The following ELMOD3 variants were observed in gnomAD, a reference collection of about 807,000 sequenced individuals.
ELMOD3 encodes the protein ELMO domain containing 3.
ELMOD3 carries 36 observed loss-of-function variants against 47.4 expected under a neutral mutation model. That is an observed-to-expected ratio of 0.76 (90% CI 0.58 to 1.00). ELMOD3 has a LOEUF of 1.00. Ranked by LOEUF, ELMOD3 falls within the 50% of genes least tolerant of loss-of-function variation. The pLI is 0.00. For synonymous variants in ELMOD3, 149 were observed against 183.5 expected (o/e 0.81, Z 1.52); for missense variants, 404 against 463.8 (o/e 0.87, Z 1.18).
At chr2:85,370,999 A>G (rs975114376) in intron 8 of ELMOD3, 87 bp from the exon 9 acceptor site, 142 of 1,480,872 alleles carry the variant, frequency 9.6e-5, no homozygotes, top group Non-Finnish European at 1.3e-4. Context: ...ACTTTCTGCA[A>G]GCACTGCCTC....
At chr2:85,378,443 AT>A (rs1224117115) in intron 11 of ELMOD3, among the ~76,000 whole-genome samples, 2 of 152,252 alleles carry the variant, frequency 1.3e-5, no homozygotes, top group African/African-American at 4.8e-5. Flanking sequence ...TTAGGGAGAC[AT>A]GAGACATCAA....
Position 85,369,759 on chromosome 2 carries a change from C to T in ELMOD3, c.289C>T (p.Gln97Ter), listed in dbSNP as rs1684654721. 2 of 1,614,096 alleles carry T rather than the reference C, an allele frequency of 1.2e-6. No individual in the cohort carries two copies. Among genetic ancestry groups the T allele is most frequent in the East Asian group, 2.2e-5 (1 of 44,884 alleles). The change falls in exon 8 of 14, where the codon CAG becomes TAG. Residue 97 changes from glutamine (Q) to a stop codon, truncating the protein, a stop_gained. Coordinates refer to ENST00000409013, the MANE Select transcript of ELMOD3 (RefSeq NM_001135022.2). LOFTEE classifies it high-confidence loss of function. ...PETGSQASSE[Q>*]PGQLISFSEA... Reference sequence around the variant, plus strand: ...CACAGGGAGCCAAGCTAGCTCAGAGCAGCCTGGGCAGCTAATCTCCTTCAG... The same window carrying T: ...CACAGGGAGCCAAGCTAGCTCAGAGTAGCCTGGGCAGCTAATCTCCTTCAG...
Position 85,362,217 on chromosome 2 carries a change from C to T in ELMOD3, c.86C>T (p.Ser29Leu), listed in dbSNP as rs1294334740. 3 of 1,607,012 alleles carry T rather than the reference C, an allele frequency of 1.9e-6. No homozygotes were observed. The highest frequency in any genetic ancestry group is 4.5e-5 in the East Asian group (2 of 44,846). The part of the protein sequence containing the change: ...GERLSAGYSP[S>L]YDKDKSVLAF... ...AGATTGTCTGCTGGATATTCTCCAT[C>T]ATATGACAAGGACAAGAGTGTTCTG... Residue 29 changes from serine (S) to leucine (L), a missense_variant, in exon 5 of 14, where the codon TCA becomes TTA. By Grantham distance (145) the Ser-to-Leu change is moderately radical. Coordinates refer to ENST00000409013, the MANE Select transcript of ELMOD3 (RefSeq NM_001135022.2).
intron 11 of ELMOD3, among the ~76,000 whole-genome samples, chr2:85,380,791 C>G (rs1685487156): frequency 6.6e-6 from 1 of 152,156 alleles, no homozygotes; most frequent in Non-Finnish European, 1.5e-5. Flanking sequence ...TCCCAAAGTG[C>G]TGAGATTACA....
chr2:85,390,592 G>A, intron 13 of ELMOD3, 168 bp from the exon 14 acceptor site: 1 of 1,535,066 alleles, frequency 6.5e-7, no homozygotes, highest in Non-Finnish European at 8.7e-7. Flanking sequence ...GCTGTAGCTG[G>A]CTCCCTAGCC....
chr2:85,358,486 A>C (rs1353174972), intron 4 of ELMOD3, among the ~76,000 whole-genome samples: 1 of 151,976 alleles, frequency 6.6e-6, no homozygotes, highest in African/African-American at 2.4e-5. Flanking sequence ...TCTGGAGGAA[A>C]ACTACATGAA....
chr2:85,371,048 A>G, intron 8 of ELMOD3, 38 bp from the exon 9 acceptor site: 1 of 1,605,308 alleles, frequency 6.2e-7, no homozygotes, highest in South Asian at 1.1e-5. Flanking sequence ...AGGGAAATGA[A>G]CCAGCATTCT....
chr2:85,389,742 C>A lies in ELMOD3; in HGVS notation c.739-9C>A, dbSNP rs1686190369. 6.2e-7 allele frequency: 1 copy of A among 1,613,752 alleles called. No individual in the cohort carries two copies. ...GAGTTGCTGCTGACTGGGTGCCCCT[C>A]CATTCCAGCAATTCCCTTTCTGTTT... On this transcript the variant is annotated splice_polypyrimidine_tract_variant and intron_variant, in intron 11 of 13. Coordinates refer to ENST00000409013, the MANE Select transcript of ELMOD3 (RefSeq NM_001135022.2).
At chr2:85,383,474 ACCATAAAAC>A (rs931817596) in intron 11 of ELMOD3, among the ~76,000 whole-genome samples, 7 of 151,996 alleles carry the variant, frequency 4.6e-5, no homozygotes, top group Non-Finnish European at 8.8e-5. Context: ...ACTTGAGAAA[ACCATAAAAC>A]CCAACCCCAG....
chr2:85,382,951 AAAAC>A (rs1199853406), intron 11 of ELMOD3, among the ~76,000 whole-genome samples: 5 of 133,796 alleles, frequency 3.7e-5, no homozygotes, highest in African/African-American at 1.2e-4. Context: ...AAAAAAAAAA[AAAAC>A]AAAAAAAACT....
chr2:85,379,690 C>T (rs184471874), intron 11 of ELMOD3, among the ~76,000 whole-genome samples: 5 of 152,140 alleles, frequency 3.3e-5, no homozygotes, highest in South Asian at 2.1e-4. Flanking sequence ...ATGGTAGGAC[C>T]GATTTGCTTT....
chr2:85,365,633 T>C (rs944798049), intron 6 of ELMOD3, among the ~76,000 whole-genome samples: 2 of 152,206 alleles, frequency 1.3e-5, no homozygotes, highest in Admixed American at 6.5e-5. Flanking sequence ...GGAGAAGCTC[T>C]TACGTGGTTT....
chr2:85,379,765 T>A (rs1649566909), intron 11 of ELMOD3, among the ~76,000 whole-genome samples: 1 of 152,234 alleles, frequency 6.6e-6, no homozygotes, highest in Admixed American at 6.5e-5. Context: ...CATAGGCTTT[T>A]TTTAAAAATT....
At chr2:85,387,213 T>A in intron 11 of ELMOD3, 1 of 1,198,612 alleles carries the variant, frequency 8.3e-7, no homozygotes, top group Non-Finnish European at 1.1e-6. Flanking sequence ...TGTTCTCAGC[T>A]ACCCATGTTG....
intron 6 of ELMOD3, among the ~76,000 whole-genome samples, chr2:85,364,694 A>G (rs1684227180): frequency 1.3e-5 from 2 of 151,174 alleles, no homozygotes; most frequent in Non-Finnish European, 2.9e-5. Context: ...GCTAAAAAAT[A>G]TTCTAATATA....
chr2:85,359,461 G>A (rs1456014773), intron 4 of ELMOD3, among the ~76,000 whole-genome samples: 1 of 143,034 alleles, frequency 7.0e-6, no homozygotes, highest in Non-Finnish European at 1.5e-5. Context: ...AGGCTGGAGT[G>A]CAATGACGCG....
rs773081384 is a variant in ELMOD3, at chr2:85,377,376, G to A, written c.640G>A (p.Gly214Ser). ...TCCAGCCACAGACCTGAGAGGCGCAGGCTTCCTTGCCCTCCTGCATCTGCT... is the reference window on the plus strand; with the variant it reads ...TCCAGCCACAGACCTGAGAGGCGCAAGCTTCCTTGCCCTCCTGCATCTGCT... ...ANPATDLRGA[G>S]FLALLHLLYL... The change falls in exon 11 of 14, where the codon GGC becomes AGC. Residue 214 changes from glycine (G) to serine (S), a missense_variant. By Grantham distance (56) the Gly-to-Ser change is moderately conservative. Coordinates refer to ENST00000409013, the MANE Select transcript of ELMOD3 (RefSeq NM_001135022.2). 1 of 1,609,300 alleles carries A rather than the reference G, an allele frequency of 6.2e-7. No homozygotes were observed. The highest frequency in any genetic ancestry group is 2.3e-5 in the East Asian group (1 of 44,444).
intron 5 of ELMOD3, among the ~76,000 whole-genome samples, chr2:85,362,748 A>G (rs1021962746): frequency 5.3e-5 from 8 of 152,114 alleles, no homozygotes; most frequent in African/African-American, 1.9e-4. Context: ...GTGAAACTCC[A>G]TCTGTACTAA....
intron 6 of ELMOD3, among the ~76,000 whole-genome samples, chr2:85,364,825 ATTTTTTTTTT>A (rs869054374): frequency 1.9e-4 from 13 of 69,894 alleles, no homozygotes; most frequent in Admixed American, 1.7e-3. Context: ...ATATATATAT[ATTTTTTTTTT>A]TTTTTTTTTT....
Sources: allele counts gnomAD v4.1 joint callset (sites outside exome capture counted in the v4.1 genomes callset), GRCh38; gene constraint gnomAD v4.1.1; transcripts MANE v1.5; gene names NCBI Gene and HGNC (gene_info 2026-07-23, HGNC 2026-07-21).